The following MYOM2 variants were observed in gnomAD, a reference collection of about 807,000 sequenced individuals.
MYOM2 encodes the protein myomesin-2.
In MYOM2, 254 loss-of-function variants were observed where a neutral mutation model predicts 187.6. The observed-to-expected ratio is 1.35, with a 90% CI of 1.22 to 1.50. MYOM2 has a LOEUF of 1.50. MYOM2 is among the 40% of genes most tolerant of loss of function. MYOM2 has a pLI of 0.00. For missense variants in MYOM2, 2,796 were observed against 1,924.0 expected (o/e 1.45, Z -8.48); for synonymous variants, 981 against 753.8 (o/e 1.30, Z -4.94).
At chr8:2,143,251 A>T in intron 35 of MYOM2, 150 bp from the exon 36 acceptor site, 1 of 870,400 alleles carries the variant, frequency 1.1e-6, no homozygotes, top group Non-Finnish European at 1.9e-6. Flanking sequence ...TCAACTGTAA[A>T]CATATAAACC....
rs117189614 is a variant in MYOM2, at chr8:2,076,200, G to A, written c.1180G>A (p.Ala394Thr). The change falls in exon 11 of 37, where the codon GCC becomes ACC. Residue 394 changes from alanine to threonine, a missense_variant. Ala to Thr is a moderately conservative substitution (Grantham distance 58, BLOSUM62 0). Transcript: ENST00000262113. ...GAPMDLQCHD[A>T]NRDYVIVTWK... is the part of the protein sequence containing the mutation. ...ACCCATGGACTTGCAGTGCCACGAC[G>A]CCAACCGGGACTACGTCATCGTGAC... The A allele has an allele frequency of 7.3e-4, 1,176 of 1,613,482 alleles. 19 individuals carry two copies. In the East Asian group the frequency reaches 0.022, roughly 31 times the overall value.
Position 2,106,228 on chromosome 8 carries a change from C to A in MYOM2, c.2735-14C>A, listed in dbSNP as rs756618060. 3.7e-6 allele frequency: 6 copies of A among 1,613,522 alleles called. No homozygotes were observed. The African/African-American group carries it at 4.0e-5, about 11-fold the overall frequency. Reference sequence around the variant, plus strand: ...GTGTCCCTAAGCCGCTCACTTCATACTCTTCTTATGCAGGCACCAAGGAAA... The same window carrying A: ...GTGTCCCTAAGCCGCTCACTTCATAATCTTCTTATGCAGGCACCAAGGAAA... On this transcript the variant is annotated splice_polypyrimidine_tract_variant and intron_variant, in intron 21 of 36. Coordinates refer to ENST00000262113, the MANE Select transcript of MYOM2 (RefSeq NM_003970.4).
At chr8:2,087,778 C>G (rs7007615) in intron 14 of MYOM2, among the ~76,000 whole-genome samples, 5 of 152,116 alleles carry the variant, frequency 3.3e-5, no homozygotes, top group African/African-American at 1.2e-4. Flanking sequence ...GCCACCACGC[C>G]CAGCTGATTT....
intron 6 of MYOM2, among the ~76,000 whole-genome samples, chr8:2,068,282 G>C (rs1241179043): frequency 6.6e-6 from 1 of 151,514 alleles, no homozygotes; most frequent in Admixed American, 6.6e-5. Flanking sequence ...ACCAGGCAGA[G>C]AGCATCCTGG....
intron 28 of MYOM2, among the ~76,000 whole-genome samples, chr8:2,120,658 G>GTATATATATCTA (rs1797396949): frequency 7.1e-4 from 2 of 2,822 alleles, no homozygotes; most frequent in Non-Finnish European, 2.3e-3. Flanking sequence ...TTGATTTCCT[G>GTATATATATCTA]TATATATATA....
chr8:2,114,309 C>G (rs1797165245), intron 25 of MYOM2, among the ~76,000 whole-genome samples: 1 of 152,170 alleles, frequency 6.6e-6, no homozygotes, highest in Admixed American at 6.5e-5. Flanking sequence ...ACAGTGTAAC[C>G]TAGAAATCAT....
intron 28 of MYOM2, among the ~76,000 whole-genome samples, chr8:2,122,635 C>A (rs1797495761): frequency 1.3e-5 from 2 of 152,186 alleles, no homozygotes; most frequent in South Asian, 2.1e-4. Flanking sequence ...AAACATTCTG[C>A]CATGCTGAAT....
rs1819141168 is a variant in MYOM2, at chr8:2,069,483, G to C, written c.779G>C (p.Gly260Ala). 1.9e-6 allele frequency: 3 copies of C among 1,614,194 alleles called. No individual in the cohort carries two copies. Among genetic ancestry groups the C allele is most frequent in the South Asian group, 1.1e-5 (1 of 91,080 alleles). Residue 260 changes from glycine to alanine, a missense_variant, in exon 8 of 37, where the codon GGA becomes GCA. Coordinates refer to ENST00000262113, the MANE Select transcript of MYOM2 (RefSeq NM_003970.4). Reference protein sequence around the residue: ...RGDEEPFRSVGLPIGLPLSSM... With the variant: ...RGDEEPFRSVALPIGLPLSSM... Reference sequence around the variant, plus strand: ...GACGAGGAACCATTCCGTTCGGTGGGACTCCCGATTGGATGTAAGTGGGTT... The same window carrying C: ...GACGAGGAACCATTCCGTTCGGTGGCACTCCCGATTGGATGTAAGTGGGTT...
At position 2,140,835 on chromosome 8, in the gene MYOM2, A is replaced by G; in HGVS notation, c.3913A>G (p.Ile1305Val). The G allele has an allele frequency of 2.5e-6, 4 of 1,614,070 alleles. No homozygotes were observed. Among genetic ancestry groups the G allele is most frequent in the Non-Finnish European group, 3.4e-6 (4 of 1,179,972 alleles). Residue 1305 changes from isoleucine (I) to valine (V), a missense_variant, in exon 33 of 37, where the codon ATT becomes GTT. Physicochemically the swap from Ile to Val is conservative, Grantham distance 29 (BLOSUM62 3). Transcript: ENST00000262113. ...GGATAAAGGAAAATACACTTTTGAG[A>G]TTTTCGATGGCAAAGACAACCATCA... is the stretch of plus-strand genomic sequence containing the variant. ...EKDKGKYTFE[I>V]FDGKDNHQRS...
Position 2,045,113 on chromosome 8 carries a change from G to C in MYOM2, c.-68G>C, listed in dbSNP as rs1375822993. ...TCCTCGGCTGGAGTGTGGGTGGCTTGGTGAGCCGGTGGTCAGGAATTCTCT... is the reference window on the plus strand; with the variant it reads ...TCCTCGGCTGGAGTGTGGGTGGCTTCGTGAGCCGGTGGTCAGGAATTCTCT... On this transcript the variant is annotated 5_prime_UTR_variant, in exon 1 of 37. Transcript: ENST00000262113. 1 of 152,472 alleles carries C rather than the reference G, an allele frequency of 6.6e-6. No individual in the cohort carries two copies. The highest frequency in any genetic ancestry group is 1.5e-5 in the Non-Finnish European group (1 of 68,104). The allele number at this position is 152,472 out of a possible 1,614,324, so 9.4% of individuals were successfully genotyped here. A position where few individuals can be genotyped will look rare whatever the true frequency, so the allele number is the denominator to read the frequency against.
At chr8:2,069,402 G>C (rs760857752) in intron 7 of MYOM2, 36 bp downstream of exon 7, 4 of 1,613,844 alleles carry the variant, frequency 2.5e-6, no homozygotes, top group Admixed American at 1.7e-5. Context: ...GGCACCTCCC[G>C]CCTCCTTTTC....
chr8:2,142,225 T>C, intron 34 of MYOM2, 150 bp from the exon 35 acceptor site: 2 of 792,548 alleles, frequency 2.5e-6, no homozygotes, highest in Non-Finnish European at 4.3e-6. Context: ...TGGGGTCCTG[T>C]GACCCGAACA....
chr8:2,099,797 T>C (rs1334063918), intron 19 of MYOM2, among the ~76,000 whole-genome samples: 2 of 152,218 alleles, frequency 1.3e-5, no homozygotes, highest in South Asian at 2.1e-4. Context: ...AGGAATTAAG[T>C]GCAATGGATA....
At chr8:2,090,957 T>C (rs967864799) in intron 15 of MYOM2, among the ~76,000 whole-genome samples, 1 of 151,202 alleles carries the variant, frequency 6.6e-6, no homozygotes, top group Non-Finnish European at 1.5e-5. Context: ...TATGGTAGAA[T>C]GATTTATATT....
intron 8 of MYOM2, 79 bp downstream of exon 8, chr8:2,069,576 A>T: frequency 6.5e-7 from 1 of 1,544,496 alleles, no homozygotes; most frequent in African/African-American, 1.4e-5. Context: ...TGGTTTCCTA[A>T]GGGCCAAATC....
intron 32 of MYOM2, among the ~76,000 whole-genome samples, chr8:2,139,018 C>G (rs1244501708): frequency 7.5e-6 from 1 of 132,822 alleles, no homozygotes; most frequent in Non-Finnish European, 1.6e-5. Flanking sequence ...ACCAGAGACC[C>G]GACACACACT....
At chr8:2,102,853 G>A (rs1375738283) in intron 21 of MYOM2, 72 bp downstream of exon 21, 39 of 1,221,254 alleles carry the variant, frequency 3.2e-5, no homozygotes, top group African/African-American at 4.5e-5. Flanking sequence ...ATGGATGTAT[G>A]GATGAGGGTG....
chr8:2,121,110 T>C (rs935965279), intron 28 of MYOM2, among the ~76,000 whole-genome samples: 1 of 152,134 alleles, frequency 6.6e-6, no homozygotes, highest in Admixed American at 6.5e-5. Flanking sequence ...CCTGTGTATG[T>C]AGTCCATTCA....
At chr8:2,057,596 C>G (rs754039781) in intron 4 of MYOM2, 27 bp from the exon 5 acceptor site, 4 of 1,613,544 alleles carry the variant, frequency 2.5e-6, no homozygotes, top group Non-Finnish European at 3.4e-6. Context: ...TGCCTGGGAA[C>G]CTGACCATCC....
Sources: allele counts gnomAD v4.1 joint callset (sites outside exome capture counted in the v4.1 genomes callset), GRCh38; gene constraint gnomAD v4.1.1; transcripts MANE v1.5; gene names NCBI Gene and HGNC (gene_info 2026-07-23, HGNC 2026-07-21).